Variants in DCDC2 observed in about 807,000 individuals in gnomAD.
DCDC2 encodes the protein doublecortin domain-containing protein 2.
A neutral mutation model predicts 50.2 loss-of-function variants in DCDC2; 40 were observed. That is an observed-to-expected ratio of 0.80 (90% CI 0.62 to 1.04). The LOEUF (loss-of-function observed/expected upper bound fraction) is 1.04. Among genes scored for constraint, DCDC2 ranks in the 50% least tolerant of loss-of-function variants. DCDC2 has a pLI of 0.00. For missense variants in DCDC2, 570 were observed against 581.9 expected, an observed-to-expected ratio of 0.98 and a Z score of 0.21; for synonymous variants, 234 against 210.6, an observed-to-expected ratio of 1.11 and a Z score of -0.96.
intron 7 of DCDC2, among the ~76,000 whole-genome samples, chr6:24,217,648 G>T (rs948552641): frequency 6.6e-6 from 1 of 152,192 alleles, no homozygotes; most frequent in Non-Finnish European, 1.5e-5. Flanking sequence ...CTGAGTGAGG[G>T]TGTTTTCAAT....
At chr6:24,359,335 T>TTATATATTATATATTTTATA (rs1760598563), upstream of DCDC2, among the ~76,000 whole-genome samples, 1 of 65,274 alleles carries the variant, frequency 1.5e-5, no homozygotes, top group African/African-American at 7.7e-5. Context: ...TTTATATATA[T>TTATATATTATATATTTTATA]TATATATTAT....
chr6:24,270,248 C>A (rs1763210317), intron 7 of DCDC2, among the ~76,000 whole-genome samples: 1 of 152,122 alleles, frequency 6.6e-6, no homozygotes, highest in African/African-American at 2.4e-5. Context: ...TGACTCTGGG[C>A]AAACTGGTTT....
In DCDC2 at chr6:24,357,601, C is replaced by T. The variant is rs1760499048; in HGVS notation, c.150G>A (p.Glu50=). 2.5e-6 allele frequency: 4 copies of T among 1,613,376 alleles called. No homozygotes were observed. In the South Asian group the frequency reaches 3.3e-5, roughly 13 times the overall value. The change falls in exon 1 of 10, where the codon GAG becomes GAA. Residue 50 remains glutamate, a synonymous_variant. Coordinates refer to ENST00000378454, the MANE Select transcript of DCDC2 (RefSeq NM_016356.5). ...AGGGTGCCTGAACGCCGCCGGTCAC[C>T]TCCTTCAGGAAGACTTCGAAGCTGG... ...KVSSFEVFLK[E]VTGGVQAPFG...
chr6:24,271,207 C>CAAAA (rs543819229), intron 7 of DCDC2, among the ~76,000 whole-genome samples: 1,993 of 39,348 alleles, frequency 0.051, 221 homozygotes, highest in African/African-American at 0.072. Flanking sequence ...GACACTCCCT[C>CAAAA]AAAAAAAAAA....
At chr6:24,249,401 T>C (rs1157783250) in intron 7 of DCDC2, among the ~76,000 whole-genome samples, 2 of 152,228 alleles carry the variant, frequency 1.3e-5, no homozygotes, top group Non-Finnish European at 1.5e-5. Flanking sequence ...TAAAATTCAA[T>C]TGAAAAATTC....
rs3077132 is a variant in DCDC2, at chr6:24,289,971, C to CTTTT, written c.704+957_704+960dup. Among the ~76,000 whole-genome samples the CTTTT allele has an allele frequency of 9.3e-4, 57 of 61,038 alleles. 8 individuals are homozygous for CTTTT. The highest frequency in any genetic ancestry group is 1.3e-3 in the Non-Finnish European group (37 of 29,538). The allele number at this position is 61,038 out of a possible 152,430, so 40.0% of individuals were successfully genotyped here. On this transcript the variant is annotated intron_variant, in intron 5 of 9. Transcript: ENST00000378454. ...TCCTGCAGCATGGGCCAGAGCTCTT[C>CTTTT]TTTTTTTTTTTTTTTTTTTTTTTTT... is the stretch of plus-strand genomic sequence containing the variant.
chr6:24,304,197 A>G (rs72830882), intron 2 of DCDC2, among the ~76,000 whole-genome samples: 2,794 of 152,346 alleles, frequency 0.018, 40 homozygotes, highest in Non-Finnish European at 0.03. Flanking sequence ...AAAATGTTTA[A>G]CAGGGCTGGG....
intron 7 of DCDC2, among the ~76,000 whole-genome samples, chr6:24,227,140 T>C (rs942045784): frequency 6.6e-6 from 1 of 152,210 alleles, no homozygotes; most frequent in Non-Finnish European, 1.5e-5. Context: ...GAAGGGCATT[T>C]GAGAAGATGG....
chr6:24,231,123 A>C (rs1290296318), intron 7 of DCDC2, among the ~76,000 whole-genome samples: 2 of 152,204 alleles, frequency 1.3e-5, no homozygotes, highest in Non-Finnish European at 2.9e-5. Context: ...GAGCGATGAG[A>C]AGAGATGTTG....
chr6:24,355,901 T>C (rs748197414), intron 1 of DCDC2, among the ~76,000 whole-genome samples: 17 of 152,196 alleles, frequency 1.1e-4, no homozygotes, highest in Non-Finnish European at 2.5e-4. Flanking sequence ...TAAGACTTTA[T>C]TTGAATTTTA....
chr6:24,381,144 A>G, the DCDC2 span, among the ~76,000 whole-genome samples: 1 of 152,264 alleles, frequency 6.6e-6, no homozygotes, highest in African/African-American at 2.4e-5. Flanking sequence ...TAAGGTATAC[A>G]ACATGATGAT....
At chr6:24,229,543 C>T (rs183081196) in intron 7 of DCDC2, among the ~76,000 whole-genome samples, 4 of 152,190 alleles carry the variant, frequency 2.6e-5, no homozygotes, top group South Asian at 4.1e-4. Flanking sequence ...CGTTATTTTG[C>T]TTGCCACATT....
upstream of DCDC2, among the ~76,000 whole-genome samples, chr6:24,358,824 A>AT (rs1309311874): frequency 9.4e-5 from 5 of 53,178 alleles, no homozygotes; most frequent in African/African-American, 4.4e-4. Context: ...AAATATATAT[A>AT]TTATATTTAT....
chr6:24,289,304 C>G (rs1322833202), intron 5 of DCDC2, among the ~76,000 whole-genome samples: 1 of 152,142 alleles, frequency 6.6e-6, no homozygotes, highest in Admixed American at 6.5e-5. Flanking sequence ...CTATGTCTAC[C>G]TCTGATAGGA....
chr6:24,252,981 A>G (rs780989523), intron 7 of DCDC2, among the ~76,000 whole-genome samples: 6 of 152,332 alleles, frequency 3.9e-5, no homozygotes, highest in Non-Finnish European at 7.4e-5. Flanking sequence ...GAAATTTCAA[A>G]ACATTTTACA....
chr6:24,363,282 C>A, the DCDC2 span, among the ~76,000 whole-genome samples: 1 of 151,944 alleles, frequency 6.6e-6, no homozygotes, highest in African/African-American at 2.4e-5. Flanking sequence ...TTGCTTGAGC[C>A]CAGCAGTTTG....
At chr6:24,278,406 G>C (rs970102235) in intron 6 of DCDC2, among the ~76,000 whole-genome samples, 195 bp from the exon 7 acceptor site, 3 of 152,118 alleles carry the variant, frequency 2.0e-5, no homozygotes, top group Non-Finnish European at 4.4e-5. Context: ...GGAGAGGAAG[G>C]AGGATAAAAA....
rs993328792 is a variant in DCDC2, at chr6:24,214,030, G to C, written c.923-8928C>G. Among the ~76,000 whole-genome samples the C allele has an allele frequency of 5.3e-5, 8 of 152,212 alleles. No homozygotes were observed. In the South Asian group the frequency reaches 1.7e-3, roughly 32 times the overall value. On this transcript the variant is annotated intron_variant, in intron 7 of 9. Coordinates refer to ENST00000378454, the MANE Select transcript of DCDC2 (RefSeq NM_016356.5). Reference sequence around the variant, plus strand: ...TTATGTCCCATCAGCTCAAATGGAAGCTCTTTACAGAAACAAGAATATCAC... The same window carrying C: ...TTATGTCCCATCAGCTCAAATGGAACCTCTTTACAGAAACAAGAATATCAC...
At chr6:24,218,579 A>G (rs745498788) in intron 7 of DCDC2, among the ~76,000 whole-genome samples, 3 of 151,890 alleles carry the variant, frequency 2.0e-5, no homozygotes, top group Non-Finnish European at 4.4e-5. Flanking sequence ...TGCAGTCTTG[A>G]CCTCCTGCCT....
Sources: gnomAD v4.1 joint callset for allele counts (sites outside exome capture counted in the v4.1 genomes callset) on GRCh38, gnomAD v4.1.1 for gene constraint, MANE v1.5 for transcripts, NCBI Gene and HGNC (gene_info 2026-07-23, HGNC 2026-07-21) for gene names.